Variants in HCK observed in about 807,000 individuals in gnomAD.
The protein encoded by HCK is tyrosine-protein kinase HCK.
A neutral mutation model predicts 70.4 loss-of-function variants in HCK; 40 were observed. The ratio of observed to expected loss-of-function variants is 0.57; its 90% CI spans 0.44 to 0.74. The LOEUF is 0.74. HCK is among the 30% of genes least tolerant of loss of function. HCK has a pLI of 0.00. For synonymous variants in HCK, 245 were observed against 263.2 expected (o/e 0.93, Z 0.67); for missense variants, 568 against 697.2 (o/e 0.81, Z 2.09).
chr20:32,052,841 C>T (rs1445929112), intron 1 of HCK, among the ~76,000 whole-genome samples: 1 of 147,014 alleles, frequency 6.8e-6, no homozygotes, highest in Non-Finnish European at 1.5e-5. Flanking sequence ...AGGGATGGGG[C>T]TTCACAGAAC....
At chr20:32,090,525 G>C (rs1019733866) in intron 10 of HCK, among the ~76,000 whole-genome samples, 1 of 152,158 alleles carries the variant, frequency 6.6e-6, no homozygotes, top group East Asian at 1.9e-4. Context: ...GAAGCAGGGT[G>C]GGGGGCTTAT....
intron 10 of HCK, among the ~76,000 whole-genome samples, chr20:32,091,668 C>G (rs575380354): frequency 6.6e-6 from 1 of 152,160 alleles, no homozygotes; most frequent in South Asian, 2.1e-4. Context: ...GAGTCTCTTC[C>G]AAGTTTTTAC....
In HCK at chr20:32,073,762, C is replaced by T; in HGVS notation, c.273C>T (p.Ala91=). Residue 91 remains alanine (A), a synonymous_variant, in exon 4 of 13, where the codon GCC becomes GCT. Transcript: ENST00000375852. ...TGGTTGCCCTGTATGATTACGAGGC[C>T]ATTCACCACGAAGACCTCAGCTTCC... 6.4e-7 allele frequency: 1 copy of T among 1,557,620 alleles called. No homozygotes were observed. Among genetic ancestry groups the T allele is most frequent in the Non-Finnish European group, 8.7e-7 (1 of 1,149,768 alleles).
intron 1 of HCK, among the ~76,000 whole-genome samples, chr20:32,062,089 G>A (rs1371096169): frequency 2.6e-5 from 4 of 151,858 alleles, no homozygotes; most frequent in African/African-American, 4.8e-5. Context: ...ACAGGCATGC[G>A]CCACCATGCC....
chr20:32,094,412 G>C (rs527653536), intron 11 of HCK, among the ~76,000 whole-genome samples: 6 of 152,240 alleles, frequency 3.9e-5, no homozygotes, highest in Non-Finnish European at 7.3e-5. Context: ...AGGCTCAGTG[G>C]CTCACGCCTG....
intron 1 of HCK, among the ~76,000 whole-genome samples, chr20:32,061,167 A>G (rs930636718): frequency 6.6e-6 from 1 of 152,126 alleles, no homozygotes; most frequent in Non-Finnish European, 1.5e-5. Context: ...TATTTTTAGT[A>G]GAGACGGGGT....
rs1274287565 is a variant in HCK at position 32,083,870 on chromosome 20, G to C, written c.533-24G>C. ...GCAGGCCTCCAAGATGCCATTCTGA[G>C]GGGTTTCTCTTTGGTCAATTCAGGA... On this transcript the variant is annotated intron_variant, in intron 6 of 12. Coordinates refer to ENST00000375852, the MANE Select transcript of HCK (RefSeq NM_002110.5). 1.1e-5 allele frequency: 17 copies of C among 1,613,864 alleles called. No individual in the cohort carries two copies. The African/African-American group carries it at 2.0e-4, about 19-fold the overall frequency.
chr20:32,053,568 G>A (rs1037855710), intron 1 of HCK, among the ~76,000 whole-genome samples: 3 of 149,684 alleles, frequency 2.0e-5, no homozygotes, highest in East Asian at 3.9e-4. Flanking sequence ...AACCTGGGAG[G>A]TGGAGGTTGC....
intron 3 of HCK, 91 bp downstream of exon 3, chr20:32,073,452 A>G (rs1362799839): frequency 1.7e-6 from 2 of 1,161,200 alleles, no homozygotes; most frequent in Non-Finnish European, 2.5e-6. Context: ...AATCCCAAAC[A>G]GTCAAACCCC....
chr20:32,093,841 G>T (rs2045897536), intron 10 of HCK, 22 bp from the exon 11 acceptor site: 1 of 1,603,754 alleles, frequency 6.2e-7, no homozygotes. Context: ...TGAGGACAAA[G>T]GTGTCTCTGT....
rs2045683809 is a variant in HCK at position 32,079,840 on chromosome 20, G to C, written c.495G>C (p.Leu165=). ...AACTGCTGGCTCCCGGCAACATGCT[G>C]GGCTCCTTCATGATCCGGGATAGCG... Residue 165 remains leucine, a synonymous_variant, in exon 6 of 13, where the codon CTG becomes CTC. Transcript: ENST00000375852. The C allele has an allele frequency of 6.2e-7, 1 of 1,613,930 alleles. No individual in the cohort carries two copies. The highest frequency in any genetic ancestry group is 8.5e-7 in the Non-Finnish European group (1 of 1,179,932).
chr20:32,079,812 G>T lies in HCK; in HGVS notation c.467G>T (p.Arg156Leu), dbSNP rs752447291. The change falls in exon 6 of 13, where the codon CGC becomes CTC. Residue 156 changes from arginine to leucine, a missense_variant. Physicochemically the swap from Arg to Leu is moderately radical, Grantham distance 102. Transcript: ENST00000375852. Reference sequence around the variant, plus strand: ...GGCATCAGCCGGAAGGACGCAGAGCGCCAACTGCTGGCTCCCGGCAACATG... The same window carrying T: ...GGCATCAGCCGGAAGGACGCAGAGCTCCAACTGCTGGCTCCCGGCAACATG... 1.9e-6 allele frequency: 3 copies of T among 1,614,062 alleles called. No individual in the cohort carries two copies. The highest frequency in any genetic ancestry group is 1.7e-6 in the Non-Finnish European group (2 of 1,179,958).
intron 12 of HCK, 79 bp downstream of exon 12, chr20:32,099,214 A>C: frequency 6.8e-7 from 1 of 1,464,192 alleles, no homozygotes; most frequent in Non-Finnish European, 9.4e-7. Context: ...ATGTCCATTC[A>C]AACTGAGTTC....
Position 32,099,899 on chromosome 20 carries a change from CACCT to C in HCK, c.1378+765_1378+768del, listed in dbSNP as rs1406787408. Among the ~76,000 whole-genome samples, 16 of 104,412 alleles carry C rather than the reference CACCT, an allele frequency of 1.5e-4. No individual in the cohort carries two copies. The East Asian group carries it at 7.2e-3, about 47-fold the overall frequency. 68.5% of individuals were successfully genotyped at this position (104,412 alleles called of 152,430 possible). On this transcript the variant is annotated intron_variant, in intron 12 of 12. Transcript: ENST00000375852. The stretch of plus-strand genomic sequence containing the variant: ...TTTAAATCAGATCTTGTCCTTTCTC[CACCT>C]TTTTTTTTTTTTTTAAGACAAGGTC...
intron 5 of HCK, among the ~76,000 whole-genome samples, chr20:32,078,718 G>A (rs1379049325): frequency 2.0e-5 from 3 of 151,902 alleles, no homozygotes; most frequent in African/African-American, 7.3e-5. Flanking sequence ...TTAGCTAGGT[G>A]TAGTGGTGGG....
At position 32,079,856 on chromosome 20, in the gene HCK, C is replaced by T. The variant is rs2045684309; in HGVS notation, c.511C>T (p.Arg171Trp). The stretch of plus-strand genomic sequence containing the variant: ...CAACATGCTGGGCTCCTTCATGATC[C>T]GGGATAGCGAGACCACTAAAGGTGA... The change falls in exon 6 of 13, where the codon CGG (arginine) becomes TGG (tryptophan). Residue 171 changes from arginine (R) to tryptophan (W), a missense_variant. Arg to Trp is a moderately radical substitution (Grantham distance 101). This residue lies in a region of HCK where 318 missense variants were observed against 336.0 expected (regional missense o/e 0.95). Transcript: ENST00000375852. The T allele has an allele frequency of 5.6e-6, 9 of 1,613,388 alleles. No homozygotes were observed. Among genetic ancestry groups the T allele is most frequent in the Non-Finnish European group, 7.6e-6 (9 of 1,179,468 alleles).
chr20:32,054,032 T>A (rs2045225264), intron 1 of HCK, among the ~76,000 whole-genome samples: 1 of 151,876 alleles, frequency 6.6e-6, no homozygotes, highest in Non-Finnish European at 1.5e-5. Context: ...CAGGTTAAAA[T>A]ACAGAAAAGT....
In HCK at chr20:32,101,380, A is replaced by T; in HGVS notation, c.1442A>T (p.Asn481Ile). 6.2e-7 allele frequency: 1 copy of T among 1,614,192 alleles called. No homozygotes were observed. Among genetic ancestry groups the T allele is most frequent in the Non-Finnish European group, 8.5e-7 (1 of 1,180,022 alleles). ...GGATACCGGATGCCTCGCCCAGAGA[A>T]CTGCCCAGAGGAGCTCTACAACATC... Residue 481 changes from asparagine (N) to isoleucine (I), a missense_variant, in exon 13 of 13, where the codon AAC becomes ATC. Around this residue, in one of 4 missense-constraint regions of HCK, gnomAD observed 77 missense variants for 85.0 expected, o/e 0.91. Coordinates refer to ENST00000375852, the MANE Select transcript of HCK (RefSeq NM_002110.5).
chr20:32,070,440 TC>T (rs1361168663), intron 1 of HCK, among the ~76,000 whole-genome samples: 3 of 152,174 alleles, frequency 2.0e-5, no homozygotes, highest in Non-Finnish European at 4.4e-5. Flanking sequence ...TTTCAGTGCC[TC>T]CAACTTCTCT....
Sources: gnomAD v4.1 joint callset for allele counts (sites outside exome capture counted in the v4.1 genomes callset) on GRCh38, gnomAD v4.1.1 for gene constraint, gnomAD v4.1.1 regional missense constraint, MANE v1.5 for transcripts, NCBI Gene and HGNC (gene_info 2026-07-23, HGNC 2026-07-21) for gene names.